The following CPT1A variants were observed in gnomAD, a reference collection of about 807,000 sequenced individuals.
CPT1A encodes the protein carnitine palmitoyltransferase 1A, also known as carnitine O-palmitoyltransferase 1, liver isoform.
Under a neutral mutation model 100.8 loss-of-function variants are expected in CPT1A, and 64 were observed. That is an observed-to-expected ratio of 0.63 (90% CI 0.52 to 0.78). The LOEUF (loss-of-function observed/expected upper bound fraction) is 0.78, where lower values mean the gene tolerates loss of function less well. Ranked by LOEUF, CPT1A falls within the 30% of genes least tolerant of loss-of-function variation. The pLI, the probability that CPT1A is intolerant of heterozygous loss-of-function variation, is 0.00. For synonymous variants in CPT1A, 363 were observed against 396.0 expected (o/e 0.92, Z 0.99); for missense variants, 802 against 1,034.1 (o/e 0.78, Z 3.08).
intron 10 of CPT1A, among the ~76,000 whole-genome samples, chr11:68,783,216 C>A (rs1218715161): frequency 6.6e-6 from 1 of 152,170 alleles, no homozygotes; most frequent in Non-Finnish European, 1.5e-5. Context: ...TCCCTGTGTC[C>A]AGGGCCCCTC....
At chr11:68,786,158 T>C in intron 9 of CPT1A, 1 of 678,070 alleles carries the variant, frequency 1.5e-6, no homozygotes, top group Non-Finnish European at 2.7e-6. Context: ...GCCCAGGAGT[T>C]TGGGATCAGC....
At chr11:68,836,376 C>A (rs1489082814) in intron 1 of CPT1A, among the ~76,000 whole-genome samples, 1 of 151,948 alleles carries the variant, frequency 6.6e-6, no homozygotes, top group African/African-American at 2.4e-5. Flanking sequence ...ATGTAAGAGG[C>A]TGAAGAAGGA....
rs745966632 is a variant in CPT1A at position 68,762,702 on chromosome 11, C to T, written c.1800G>A (p.Gly600=). ...EASMTRLFRE[G]RTETVRSCTT... is the part of the protein sequence containing the mutation. Reference sequence around the variant, plus strand: ...TGCAGGAGCGCACGGTCTCCGTCCTCCCCTCTCGGAAGAGCCGGGTCATGG... The same window carrying T: ...TGCAGGAGCGCACGGTCTCCGTCCTTCCCTCTCGGAAGAGCCGGGTCATGG... Residue 600 remains glycine (G), a synonymous_variant, in exon 15 of 19, where the codon GGG becomes GGA. Coordinates refer to ENST00000265641, the MANE Select transcript of CPT1A (RefSeq NM_001876.4). 1 of 1,614,036 alleles carries T rather than the reference C, an allele frequency of 6.2e-7. No homozygotes were observed. The highest frequency in any genetic ancestry group is 8.5e-7 in the Non-Finnish European group (1 of 1,180,020).
intron 17 of CPT1A, 104 bp downstream of exon 17, chr11:68,760,121 C>G (rs1174125327): frequency 2.5e-6 from 2 of 790,184 alleles, no homozygotes; most frequent in Admixed American, 4.0e-5. Flanking sequence ...GCGGTAGAAC[C>G]GCAAGGTAAC....
chr11:68,796,943 G>A lies in CPT1A; in HGVS notation c.694-10C>T, dbSNP rs201198921. ...CCCACCAGTCGCTCACCTAGTGGGC[G>A]CAAACACCAGACAAACCCGCAGGCT... On this transcript the variant is annotated splice_polypyrimidine_tract_variant and intron_variant, in intron 6 of 18. Coordinates refer to ENST00000265641, the MANE Select transcript of CPT1A (RefSeq NM_001876.4). 1.1e-4 allele frequency: 174 copies of A among 1,613,108 alleles called. No homozygotes were observed. The highest frequency in any genetic ancestry group is 3.8e-5 in the Non-Finnish European group (45 of 1,179,616).
chr11:68,764,908 G>A (rs1854745278), intron 14 of CPT1A, among the ~76,000 whole-genome samples: 1 of 152,208 alleles, frequency 6.6e-6, no homozygotes, highest in South Asian at 2.1e-4. Context: ...GAGCCCCCAG[G>A]ATCCCCCCAA....
intron 12 of CPT1A, among the ~76,000 whole-genome samples, chr11:68,778,638 G>A (rs1375263896): frequency 6.6e-6 from 1 of 151,672 alleles, no homozygotes; most frequent in African/African-American, 2.4e-5. Context: ...AGAGGTGGCA[G>A]TGAGCTGAAA....
intron 10 of CPT1A, among the ~76,000 whole-genome samples, chr11:68,782,407 G>A (rs142818721): frequency 5.9e-4 from 90 of 152,260 alleles, no homozygotes; most frequent in African/African-American, 2.1e-3. Flanking sequence ...CCAACTTACT[G>A]ATCTTCTCAA....
chr11:68,837,963 C>T (rs1408045077), intron 1 of CPT1A, among the ~76,000 whole-genome samples: 1 of 152,108 alleles, frequency 6.6e-6, no homozygotes, highest in African/African-American at 2.4e-5. Flanking sequence ...GCACTTAGCC[C>T]CGGCTGCATG....
At chr11:68,818,323 G>T (rs929144731) in intron 1 of CPT1A, among the ~76,000 whole-genome samples, 1 of 152,110 alleles carries the variant, frequency 6.6e-6, no homozygotes, top group Non-Finnish European at 1.5e-5. Context: ...AGGGAAGGAG[G>T]CAGGCTGGGG....
chr11:68,813,424 C>A (rs1856275589), intron 2 of CPT1A, among the ~76,000 whole-genome samples: 1 of 150,076 alleles, frequency 6.7e-6, no homozygotes, highest in Non-Finnish European at 1.5e-5. Flanking sequence ...CCCAGCTACT[C>A]AGGAGGCTGA....
chr11:68,771,614 T>C (rs1449165164), intron 14 of CPT1A, among the ~76,000 whole-genome samples: 2 of 152,248 alleles, frequency 1.3e-5, no homozygotes, highest in African/African-American at 4.8e-5. Flanking sequence ...GTGAGCATGT[T>C]ACTTGGGAAA....
At chr11:68,824,783 T>G (rs1856677931) in intron 1 of CPT1A, among the ~76,000 whole-genome samples, 1 of 143,634 alleles carries the variant, frequency 7.0e-6, no homozygotes. Flanking sequence ...TATTGCTACA[T>G]GCAATTGTAT....
Position 68,757,556 on chromosome 11 carries a change from A to T in CPT1A, c.*88T>A. 18 of 1,603,704 alleles carry T rather than the reference A, an allele frequency of 1.1e-5. No individual in the cohort carries two copies. The South Asian group carries it at 1.2e-4, about 11-fold the overall frequency. On this transcript the variant is annotated 3_prime_UTR_variant, in exon 19 of 19. Coordinates refer to ENST00000265641, the MANE Select transcript of CPT1A (RefSeq NM_001876.4). ...TGAGTTTTTTTAAGAGCAGTGTTTC[A>T]TCCCGAGCTAAGGTCAGGATTAATG... is the stretch of plus-strand genomic sequence containing the variant.
At chr11:68,769,981 G>A (rs1262028258) in intron 14 of CPT1A, among the ~76,000 whole-genome samples, 3 of 151,674 alleles carry the variant, frequency 2.0e-5, no homozygotes, top group East Asian at 1.9e-4. Flanking sequence ...CCTGGGAGCC[G>A]AGTGAGCAGC....
chr11:68,757,723 T>C lies in CPT1A; in HGVS notation c.2243A>G (p.His748Arg). 1 of 1,613,232 alleles carries C rather than the reference T, an allele frequency of 6.2e-7. No individual in the cohort carries two copies. The highest frequency in any genetic ancestry group is 8.5e-7 in the Non-Finnish European group (1 of 1,179,478). The part of the protein sequence containing the change: ...SKFSCPETDS[H>R]RFGRHLKEAM... ...TTCTTTCAGGTGCCTTCCAAAGCGA[T>C]GAGAATCCTTTCATGTAAAAACAAA... The change falls in exon 19 of 19, where the codon CAT (histidine) becomes CGT (arginine). Residue 748 changes from histidine (H) to arginine (R), a missense_variant. Around this residue, in one of 4 missense-constraint regions of CPT1A, gnomAD observed 627 missense variants for 799.3 expected, o/e 0.78. Coordinates refer to ENST00000265641, the MANE Select transcript of CPT1A (RefSeq NM_001876.4).
chr11:68,835,266 A>C (rs1442959127), intron 1 of CPT1A, among the ~76,000 whole-genome samples: 1 of 152,188 alleles, frequency 6.6e-6, no homozygotes, highest in Non-Finnish European at 1.5e-5. Context: ...GCACTCGGGC[A>C]GGAGCTCAGA....
chr11:68,813,136 G>T (rs907400286), intron 2 of CPT1A, among the ~76,000 whole-genome samples: 2 of 151,584 alleles, frequency 1.3e-5, no homozygotes, highest in Non-Finnish European at 2.9e-5. Context: ...TCTTTAATCA[G>T]TCCTCTTCAC....
At chr11:68,754,675 T>C (rs1373398424), downstream of CPT1A, 30 of 687,150 alleles carry the variant, frequency 4.4e-5, no homozygotes, top group South Asian at 2.4e-4. Flanking sequence ...GTTCTCAGCA[T>C]TGAGGCAATG....
Sources: allele counts gnomAD v4.1 joint callset (sites outside exome capture counted in the v4.1 genomes callset), GRCh38; gene constraint gnomAD v4.1.1; regional missense constraint gnomAD v4.1.1; transcripts MANE v1.5; gene names NCBI Gene and HGNC (gene_info 2026-07-23, HGNC 2026-07-21).